The following HEATR1 variants were observed in gnomAD, a reference collection of about 807,000 sequenced individuals.
HEATR1 encodes HEAT repeat-containing protein 1.
HEATR1 carries 77 observed loss-of-function variants against 248.2 expected under a neutral mutation model. That is an observed-to-expected ratio of 0.31 (90% CI 0.26 to 0.37). HEATR1 has a LOEUF of 0.37. Ranked by LOEUF, HEATR1 falls within the 10% of genes least tolerant of loss-of-function variation. The pLI, the probability that HEATR1 is intolerant of heterozygous loss-of-function variation, is 1.00. For synonymous variants in HEATR1, 897 were observed against 923.1 expected (o/e 0.97, Z 0.51); for missense variants, 2,420 against 2,504.9 (o/e 0.97, Z 0.72).
chr1:236,572,854 G>C, intron 24 of HEATR1, 26 bp from the exon 25 acceptor site: 1 of 1,570,354 alleles, frequency 6.4e-7, no homozygotes, highest in Non-Finnish European at 8.8e-7. Flanking sequence ...AAGAAGAGTT[G>C]ATGATATAAT....
chr1:236,597,808 A>G, intron 5 of HEATR1, 70 bp downstream of exon 5: 1 of 935,928 alleles, frequency 1.1e-6, no homozygotes, highest in African/African-American at 1.6e-5. Flanking sequence ...GGAATGTTTT[A>G]GTATGTTTTC....
chr1:236,584,336 T>C (rs1039697124), intron 17 of HEATR1, among the ~76,000 whole-genome samples: 1 of 152,166 alleles, frequency 6.6e-6, no homozygotes, highest in Non-Finnish European at 1.5e-5. Flanking sequence ...TATGAAGATT[T>C]TACTCTTTTT....
At chr1:236,601,945 C>T (rs890041100) in intron 3 of HEATR1, among the ~76,000 whole-genome samples, 10 of 147,232 alleles carry the variant, frequency 6.8e-5, no homozygotes, top group Non-Finnish European at 8.9e-5. Context: ...GCCTGGCCAA[C>T]GTGATGAAAC....
chr1:236,603,402 T>C (rs1306135078), intron 2 of HEATR1, 26 bp from the exon 3 acceptor site: 9 of 1,591,808 alleles, frequency 5.7e-6, no homozygotes, highest in Non-Finnish European at 7.7e-6. Context: ...GGCCAGTTTA[T>C]TTAACAATTC....
rs746638530 is a variant in HEATR1, at chr1:236,564,565, C to T, written c.4532G>A (p.Arg1511Gln). The change falls in exon 32 of 45, where the codon CGG becomes CAG. Residue 1511 changes from arginine to glutamine, a missense_variant. Physicochemically the swap from Arg to Gln is conservative, Grantham distance 43. Coordinates refer to ENST00000366582, the MANE Select transcript of HEATR1 (RefSeq NM_018072.6). The part of the protein sequence containing the change: ...NVETHTSKQL[R>Q]HFKFLSVSFM... The stretch of plus-strand genomic sequence containing the variant: ...GGACACTGACAAAAATTTAAAATGC[C>T]GCAGTTGCTTGCTAGTGTGAGTCTC... 21 of 1,613,778 alleles carry T rather than the reference C, an allele frequency of 1.3e-5. No individual in the cohort carries two copies. The highest frequency in any genetic ancestry group is 1.7e-5 in the Admixed American group (1 of 59,994).
rs1465821964 is a variant in HEATR1, at chr1:236,582,789, G to A, written c.2509C>T (p.Leu837Phe). The A allele has an allele frequency of 6.2e-7, 1 of 1,614,122 alleles. No homozygotes were observed. Among genetic ancestry groups the A allele is most frequent in the East Asian group, 2.2e-5 (1 of 44,882 alleles). ...HLLIGLFEMM[L>F]NGADAVHFRV... ...AAATGAACAGCATCGGCACCATTGA[G>A]CATCATCTCAAACAGCCCAATGAGC... The change falls in exon 19 of 45, where the codon CTC becomes TTC. Residue 837 changes from leucine to phenylalanine, a missense_variant. Transcript: ENST00000366582.
chr1:236,600,617 G>C (rs191451110), intron 3 of HEATR1, among the ~76,000 whole-genome samples: 1 of 150,914 alleles, frequency 6.6e-6, no homozygotes, highest in Non-Finnish European at 1.5e-5. Flanking sequence ...TGCAACCTTC[G>C]CCTCCCAAGT....
intron 28 of HEATR1, among the ~76,000 whole-genome samples, chr1:236,570,476 A>G (rs993598382): frequency 6.6e-6 from 1 of 151,998 alleles, no homozygotes; most frequent in African/African-American, 2.4e-5. Context: ...GCTGGTGGTG[A>G]CGGTGGCAGC....
Position 236,580,519 on chromosome 1 carries a change from C to CTTTTTTTTTTTT in HEATR1, c.2755+691_2755+702dup, listed in dbSNP as rs10692063. 3.8e-5 allele frequency among the ~76,000 whole-genome samples: 5 copies of CTTTTTTTTTTTT among 132,128 alleles called. 1 individual carries two copies. The allele number at this position is 132,128 out of a possible 152,430, so 86.7% of individuals were successfully genotyped here. On this transcript the variant is annotated intron_variant, in intron 20 of 44. Coordinates refer to ENST00000366582, the MANE Select transcript of HEATR1 (RefSeq NM_018072.6). ...CAGAAATATGTATAGATGTACAGCC[C>CTTTTTTTTTTTT]TTTTTTTTTTTTTTTGAGACAGGGT...
chr1:236,595,883 A>C lies in HEATR1; in HGVS notation c.906T>G (p.Ser302Arg), dbSNP rs754958952. The C allele has an allele frequency of 1.2e-6, 2 of 1,614,090 alleles. No individual in the cohort carries two copies. The highest frequency in any genetic ancestry group is 2.2e-5 in the East Asian group (1 of 44,866). ...KIPSLIKDGL[S>R]CLIVLLQRQK... ...GTCTCTGCAGGAGCACTATCAAGCA[A>C]CTTAACCCATCCTTGATCAAAGAGG... Residue 302 changes from serine to arginine, a missense_variant, in exon 7 of 45, where the codon AGT becomes AGG. Coordinates refer to ENST00000366582, the MANE Select transcript of HEATR1 (RefSeq NM_018072.6).
chr1:236,570,045 T>C (rs915334744), intron 28 of HEATR1, among the ~76,000 whole-genome samples: 7 of 152,134 alleles, frequency 4.6e-5, no homozygotes, highest in African/African-American at 7.2e-5. Context: ...TTCCAGCACT[T>C]TGGGAGGCCG....
chr1:236,567,185 T>C (rs1202294124), intron 29 of HEATR1, among the ~76,000 whole-genome samples: 3 of 152,102 alleles, frequency 2.0e-5, no homozygotes, highest in African/African-American at 7.2e-5. Flanking sequence ...TTTGCTATGT[T>C]GACCGGGCTG....
chr1:236,556,400 G>A, intron 37 of HEATR1, 142 bp from the exon 38 acceptor site: 1 of 873,664 alleles, frequency 1.1e-6, no homozygotes, highest in Non-Finnish European at 1.7e-6. Context: ...TCCTTTTAAA[G>A]TCAGCCCTAA....
At chr1:236,602,762 A>C (rs1165448675) in intron 3 of HEATR1, 1 of 176,310 alleles carries the variant, frequency 5.7e-6, no homozygotes, top group Non-Finnish European at 1.2e-5. Flanking sequence ...CCATCTCTAC[A>C]AAAACACAAA....
rs868631637 is a variant in HEATR1 at position 236,574,234 on chromosome 1, A to C, written c.3427T>G (p.Cys1143Gly). The C allele has an allele frequency of 6.8e-6, 11 of 1,612,280 alleles. No individual in the cohort carries two copies. The highest frequency in any genetic ancestry group is 1.7e-4 in the Middle Eastern group (1 of 6,056). ...DLLVNCKNSH[C>G]AQTVSSVFKG... is the part of the protein sequence containing the mutation. ...AAAACACTGCTGACAGTCTGAGCAC[A>C]ATGTGAGTTTTTACAGTTCACCAAT... is the stretch of plus-strand genomic sequence containing the variant. Residue 1143 changes from cysteine (C) to glycine (G), a missense_variant, in exon 24 of 45, where the codon TGT (cysteine) becomes GGT (glycine). Physicochemically the swap from Cys to Gly is radical, Grantham distance 159. Transcript: ENST00000366582.
chr1:236,566,004 G>C lies in HEATR1; in HGVS notation c.4350C>G (p.Val1450=), dbSNP rs1663257193. 1 of 1,613,738 alleles carries C rather than the reference G, an allele frequency of 6.2e-7. No homozygotes were observed. Among genetic ancestry groups the C allele is most frequent in the Non-Finnish European group, 8.5e-7 (1 of 1,179,770 alleles). Residue 1450 remains valine (V), a synonymous_variant, in exon 31 of 45, where the codon GTC becomes GTG. Transcript: ENST00000366582. ...LEADTEFWFS[V]CCEFSVQHQI... is the part of the protein sequence containing the mutation. ...GATGCTGGACACTAAACTCACAACA[G>C]ACTGAAAACCAAAATTCAGTGTCTG...
At position 236,589,435 on chromosome 1, in the gene HEATR1, T is replaced by C. The variant is rs150122161; in HGVS notation, c.1531-1392A>G. On this transcript the variant is annotated intron_variant, in intron 12 of 44. Transcript: ENST00000366582. ...TCAAAGATCTAAATGTTGTTTGTTG[T>C]TTATATATCAACTTAAAATTAAGTA... Among the ~76,000 whole-genome samples the C allele has an allele frequency of 5.5e-3, 842 of 152,344 alleles. 9 individuals are homozygous for C. Among genetic ancestry groups the C allele is most frequent in the African/African-American group, 0.019 (784 of 41,574 alleles).
intron 42 of HEATR1, 79 bp from the exon 43 acceptor site, chr1:236,553,818 T>C (rs1043111311): frequency 1.3e-5 from 19 of 1,418,268 alleles, no homozygotes; most frequent in Non-Finnish European, 1.7e-5. Flanking sequence ...AACATACAAA[T>C]ATTTTACTAT....
At chr1:236,598,019 T>C (rs1199097833) in intron 4 of HEATR1, 40 bp from the exon 5 acceptor site, 1 of 1,267,598 alleles carries the variant, frequency 7.9e-7, no homozygotes, top group Non-Finnish European at 1.1e-6. Context: ...GCAACATTCA[T>C]CAACTGATCC....
Sources: gnomAD v4.1 joint callset for allele counts (sites outside exome capture counted in the v4.1 genomes callset) on GRCh38, gnomAD v4.1.1 for gene constraint, MANE v1.5 for transcripts, NCBI Gene and HGNC (gene_info 2026-07-23, HGNC 2026-07-21) for gene names.